AKAP19: variants seen among roughly 807,000 people sequenced by gnomAD.
The protein encoded by AKAP19 is small A-kinase anchoring protein.
the AKAP19 span, among the ~76,000 whole-genome samples, chr2:190,157,454 T>C: frequency 2.0e-5 from 3 of 151,346 alleles, no homozygotes; most frequent in Non-Finnish European, 4.4e-5. Flanking sequence ...GGTTAAATAT[T>C]AGGTTGTTAA....
chr2:190,186,112 T>C, the AKAP19 span, among the ~76,000 whole-genome samples: 1 of 150,642 alleles, frequency 6.6e-6, no homozygotes, highest in African/African-American at 2.5e-5. This position sits in a 1 kb window ranked among gnomAD's most constrained non-coding sequence, Gnocchi z 5.5. Flanking sequence ...CCACCACACC[T>C]GGCTGATTTT....
the AKAP19 span, among the ~76,000 whole-genome samples, chr2:190,012,613 C>T: frequency 6.6e-6 from 1 of 152,076 alleles, no homozygotes; most frequent in South Asian, 2.1e-4. Context: ...ATTTATCTTG[C>T]CTAATTACTC....
chr2:190,193,603 C>A, the AKAP19 span, among the ~76,000 whole-genome samples: 1 of 151,910 alleles, frequency 6.6e-6, no homozygotes, highest in Non-Finnish European at 1.5e-5. Flanking sequence ...TTTTCTTGTG[C>A]CAATTTTGGT....
At chr2:190,178,258 C>G in the AKAP19 span, among the ~76,000 whole-genome samples, 28 of 152,322 alleles carry the variant, frequency 1.8e-4, no homozygotes, top group East Asian at 4.6e-3. This position sits in a 1 kb window ranked among gnomAD's most constrained non-coding sequence, Gnocchi z 6.3. Context: ...CAAGTTCCCT[C>G]GACGCATCTT....
At chr2:190,101,335 G>T in the AKAP19 span, among the ~76,000 whole-genome samples, 1 of 152,212 alleles carries the variant, frequency 6.6e-6, no homozygotes, top group African/African-American at 2.4e-5. Flanking sequence ...CGGCAACAAG[G>T]CTTGCAGCCA....
the AKAP19 span, among the ~76,000 whole-genome samples, chr2:189,928,960 A>C: frequency 6.6e-6 from 1 of 152,220 alleles, no homozygotes; most frequent in Non-Finnish European, 1.5e-5. Flanking sequence ...TAAATACATT[A>C]AATGGATAAA....
the AKAP19 span, among the ~76,000 whole-genome samples, chr2:190,177,762 G>C: frequency 1.3e-5 from 2 of 152,206 alleles, no homozygotes; most frequent in African/African-American, 4.8e-5. The surrounding 1 kb of genome is among the most constrained non-coding windows in gnomAD (Gnocchi z 4.6). Flanking sequence ...AAGAGTATGT[G>C]AGTGCCTTGA....
chr2:190,010,391 T>C, the AKAP19 span, among the ~76,000 whole-genome samples: 2 of 152,124 alleles, frequency 1.3e-5, no homozygotes, highest in African/African-American at 4.8e-5. Context: ...ACTTGAGAGA[T>C]ACAGTGGGAT....
At chr2:189,995,783 G>T in the AKAP19 span, among the ~76,000 whole-genome samples, 1 of 151,880 alleles carries the variant, frequency 6.6e-6, no homozygotes, top group East Asian at 1.9e-4. Flanking sequence ...TCAAGATATA[G>T]AACTCCTTTT....
At chr2:190,109,078 T>C in the AKAP19 span, among the ~76,000 whole-genome samples, 276 of 152,316 alleles carry the variant, frequency 1.8e-3, 1 homozygote, top group African/African-American at 6.3e-3. Context: ...TATTATATTT[T>C]CTACCTTTCA....
At chr2:189,905,058 A>G in the AKAP19 span, among the ~76,000 whole-genome samples, 41 of 152,136 alleles carry the variant, frequency 2.7e-4, no homozygotes, top group African/African-American at 9.9e-4. Context: ...TCTATATTCA[A>G]TAAGTAAGAT....
At chr2:190,184,029 G>A in the AKAP19 span, among the ~76,000 whole-genome samples, 5 of 151,722 alleles carry the variant, frequency 3.3e-5, no homozygotes, top group East Asian at 1.9e-4. Context: ...GCACTAAGTC[G>A]GTGGTTGAGA....
chr2:189,942,371 C>T, the AKAP19 span, among the ~76,000 whole-genome samples: 6 of 152,296 alleles, frequency 3.9e-5, no homozygotes, highest in East Asian at 1.2e-3. Context: ...AGAAGCCAAG[C>T]AGATGCTAGC....
chr2:189,925,200 G>A, the AKAP19 span, among the ~76,000 whole-genome samples: 2 of 152,080 alleles, frequency 1.3e-5, no homozygotes, highest in African/African-American at 4.8e-5. Context: ...TGTCTTTTAG[G>A]AACATCTAAC....
At chr2:189,882,874 A>G in the AKAP19 span, among the ~76,000 whole-genome samples, 2 of 152,030 alleles carry the variant, frequency 1.3e-5, no homozygotes, top group African/African-American at 4.8e-5. Flanking sequence ...CTGATGTATT[A>G]TAGTTCACAG....
At chr2:189,984,915 C>A in the AKAP19 span, among the ~76,000 whole-genome samples, 1 of 152,000 alleles carries the variant, frequency 6.6e-6, no homozygotes, top group Non-Finnish European at 1.5e-5. Context: ...CAAGAGTACA[C>A]AAGCAGAGTG....
the AKAP19 span, among the ~76,000 whole-genome samples, chr2:190,048,598 A>G: frequency 6.6e-6 from 1 of 152,246 alleles, no homozygotes; most frequent in Non-Finnish European, 1.5e-5. Flanking sequence ...AATTAAAAAG[A>G]AAACATTTTT....
chr2:190,018,151 G>A, the AKAP19 span, among the ~76,000 whole-genome samples: 6 of 152,098 alleles, frequency 3.9e-5, no homozygotes, highest in South Asian at 1.0e-3. Flanking sequence ...GAATTTGATT[G>A]GAGATCTCTG....
chr2:189,989,135 T>C, the AKAP19 span, among the ~76,000 whole-genome samples: 1 of 152,192 alleles, frequency 6.6e-6, no homozygotes, highest in Non-Finnish European at 1.5e-5. Context: ...TTTAGTCTTT[T>C]CCCTAATTAA....
Sources: gnomAD v4.1 joint callset for allele counts (sites outside exome capture counted in the v4.1 genomes callset) on GRCh38, gnomAD v4.1.1 for gene constraint, Gnocchi (gnomAD v3.1) non-coding constraint, MANE v1.5 for transcripts, NCBI Gene and HGNC (gene_info 2026-07-23, HGNC 2026-07-21) for gene names.